Variants in PDE1C observed in about 807,000 individuals in gnomAD.
PDE1C encodes the protein dual specificity calcium/calmodulin-dependent 3',5'-cyclic nucleotide phosphodiesterase 1C.
A neutral mutation model predicts 93.1 loss-of-function variants in PDE1C; 62 were observed. The observed-to-expected ratio is 0.67, with a 90% CI of 0.54 to 0.82. PDE1C has a LOEUF of 0.82. Ranked by LOEUF, PDE1C falls within the 40% of genes least tolerant of loss-of-function variation. The pLI is 0.00. For synonymous variants in PDE1C, 325 were observed against 310.1 expected (o/e 1.05, Z -0.50); for missense variants, 742 against 884.6 (o/e 0.84, Z 2.04).
intron 1 of PDE1C, among the ~76,000 whole-genome samples, chr7:32,357,620 T>G (rs891400493): frequency 6.6e-6 from 1 of 152,124 alleles, no homozygotes; most frequent in Admixed American, 6.5e-5. Context: ...AGGGGGAAAG[T>G]TGTGAAATCA....
chr7:32,198,897 A>G (rs1804804285), intron 2 of PDE1C, among the ~76,000 whole-genome samples: 1 of 152,146 alleles, frequency 6.6e-6, no homozygotes, highest in Non-Finnish European at 1.5e-5. Flanking sequence ...CAGGTGGATC[A>G]CTTGAGGTCA....
At chr7:31,974,560 C>G (rs1811391189) in intron 2 of PDE1C, among the ~76,000 whole-genome samples, 1 of 151,410 alleles carries the variant, frequency 6.6e-6, no homozygotes, top group Non-Finnish European at 1.5e-5. Flanking sequence ...TACCCTGAGA[C>G]TGGAGGGAGC....
the PDE1C span, among the ~76,000 whole-genome samples, chr7:31,697,964 G>A: frequency 6.6e-5 from 10 of 152,116 alleles, no homozygotes; most frequent in Non-Finnish European, 1.5e-4. Flanking sequence ...CTAATTGGTT[G>A]GATCAAAGAT....
chr7:31,818,496 C>T (rs971193929), intron 14 of PDE1C, among the ~76,000 whole-genome samples: 6 of 152,120 alleles, frequency 3.9e-5, no homozygotes, highest in Non-Finnish European at 5.9e-5. Flanking sequence ...TGAAATGTAC[C>T]CTACGGGTGT....
At chr7:32,087,534 A>C (rs529684965) in intron 3 of PDE1C, among the ~76,000 whole-genome samples, 31 of 152,316 alleles carry the variant, frequency 2.0e-4, no homozygotes, top group East Asian at 1.2e-3. Flanking sequence ...TCATGCTGCT[A>C]TAAAGACACA....
chr7:31,746,079 G>A, the PDE1C span, among the ~76,000 whole-genome samples: 1 of 151,898 alleles, frequency 6.6e-6, no homozygotes, highest in Non-Finnish European at 1.5e-5. Context: ...TCCAACAGTG[G>A]AGAATGCACA....
At chr7:31,921,047 C>T (rs1235241266) in intron 2 of PDE1C, among the ~76,000 whole-genome samples, 1 of 152,142 alleles carries the variant, frequency 6.6e-6, no homozygotes, top group Non-Finnish European at 1.5e-5. Context: ...CTAAAGCAAA[C>T]TCAGGCTACT....
intron 2 of PDE1C, among the ~76,000 whole-genome samples, chr7:32,005,000 T>C (rs7783129): frequency 0.43 from 65,185 of 151,990 alleles, 14,884 homozygotes; most frequent in African/African-American, 0.57. Context: ...CTAGCTCCTA[T>C]GGAGGATGAA....
intron 2 of PDE1C, among the ~76,000 whole-genome samples, chr7:32,013,734 A>G (rs1787480860): frequency 1.3e-5 from 2 of 152,212 alleles, no homozygotes. Context: ...TAAGGACACA[A>G]AGTACATTGA....
intron 15 of PDE1C, among the ~76,000 whole-genome samples, chr7:31,815,064 A>T (rs564840367): frequency 6.6e-6 from 1 of 152,010 alleles, no homozygotes; most frequent in Non-Finnish European, 1.5e-5. Flanking sequence ...CCATCTGACC[A>T]GCCAGCTTCA....
At chr7:32,082,884 A>G (rs1432988079) in intron 3 of PDE1C, among the ~76,000 whole-genome samples, 2 of 151,678 alleles carry the variant, frequency 1.3e-5, no homozygotes, top group African/African-American at 2.4e-5. Flanking sequence ...AAAAGTAGAT[A>G]AAACCACAAA....
intron 1 of PDE1C, among the ~76,000 whole-genome samples, chr7:32,361,792 C>T (rs574033457): frequency 7.2e-5 from 11 of 152,164 alleles, no homozygotes; most frequent in Non-Finnish European, 1.5e-4. Context: ...TTACCAATGC[C>T]GCTCTCCTCC....
At chr7:32,008,666 C>T (rs1353643962) in intron 2 of PDE1C, among the ~76,000 whole-genome samples, 1 of 152,080 alleles carries the variant, frequency 6.6e-6, no homozygotes, top group African/African-American at 2.4e-5. Context: ...GCTGCAAGAA[C>T]ATCTGGGGAA....
intron 1 of PDE1C, among the ~76,000 whole-genome samples, chr7:32,364,297 C>T (rs1195892685): frequency 3.3e-5 from 5 of 152,082 alleles, no homozygotes; most frequent in East Asian, 1.9e-4. Flanking sequence ...AGGTGATTGG[C>T]GCACATCTCA....
downstream of PDE1C, among the ~76,000 whole-genome samples, chr7:31,747,229 T>C (rs1017403160): frequency 2.6e-5 from 4 of 152,134 alleles, no homozygotes; most frequent in Non-Finnish European, 4.4e-5. Context: ...AAAAAATATA[T>C]AGCAGTGCAA....
At chr7:32,003,825 T>C (rs914962116) in intron 2 of PDE1C, among the ~76,000 whole-genome samples, 16 of 152,192 alleles carry the variant, frequency 1.1e-4, no homozygotes, top group African/African-American at 1.9e-4. Flanking sequence ...GGAAAGAAGA[T>C]AGAAAAACAT....
At chr7:32,370,174 G>A (rs186443943) in intron 1 of PDE1C, among the ~76,000 whole-genome samples, 1 of 152,302 alleles carries the variant, frequency 6.6e-6, no homozygotes, top group African/African-American at 2.4e-5. Flanking sequence ...GTTCTGCCGG[G>A]CGCAGTGGCT....
At chr7:32,209,533 T>C in exon 2 of PDE1C, 2 of 1,562,902 alleles carry the variant, frequency 1.3e-6, no homozygotes, top group South Asian at 1.2e-5. Context: ...TCCAGCTTCA[T>C]TTGCAACTAG....
the PDE1C span, among the ~76,000 whole-genome samples, chr7:31,632,169 C>G: frequency 6.6e-6 from 1 of 152,184 alleles, no homozygotes; most frequent in Admixed American, 6.5e-5. Flanking sequence ...TTGACAGAGG[C>G]AGGGCGTGGT....
Sources: allele counts gnomAD v4.1 joint callset (sites outside exome capture counted in the v4.1 genomes callset), GRCh38; gene constraint gnomAD v4.1.1; transcripts MANE v1.5; gene names NCBI Gene and HGNC (gene_info 2026-07-23, HGNC 2026-07-21).